The following NFKB1 variants were observed in gnomAD, a reference collection of about 807,000 sequenced individuals.
NFKB1 encodes the protein nuclear factor NF-kappa-B p105 subunit.
Under a neutral mutation model 105.1 loss-of-function variants are expected in NFKB1, and 9 were observed. That is an observed-to-expected ratio of 0.09 (90% CI 0.05 to 0.15). The LOEUF is 0.15. NFKB1 is among the 10% of genes least tolerant of loss of function. The pLI, the probability that NFKB1 is intolerant of heterozygous loss-of-function variation, is 1.00. For missense variants in NFKB1, 830 were observed against 1,203.7 expected, an observed-to-expected ratio of 0.69 and a Z score of 4.59; for synonymous variants, 440 against 442.2, an observed-to-expected ratio of 1.00 and a Z score of 0.06.
At chr4:102,581,911 T>G (rs1725346185) in intron 9 of NFKB1, among the ~76,000 whole-genome samples, 1 of 152,218 alleles carries the variant, frequency 6.6e-6, no homozygotes, top group Non-Finnish European at 1.5e-5. Flanking sequence ...CAAAGGAGAT[T>G]GTAAGATGTT....
At chr4:102,611,531 A>G (rs1354807627) in intron 20 of NFKB1, among the ~76,000 whole-genome samples, 1 of 152,244 alleles carries the variant, frequency 6.6e-6, no homozygotes, top group African/African-American at 2.4e-5. Context: ...CTTTTAGCCT[A>G]AGACAATTCT....
At chr4:102,609,630 A>G (rs1292263394) in intron 19 of NFKB1, among the ~76,000 whole-genome samples, 2 of 151,476 alleles carry the variant, frequency 1.3e-5, no homozygotes, top group African/African-American at 4.9e-5. Flanking sequence ...AAAAAAAAAA[A>G]AAAAGCGTCA....
At chr4:102,610,850 T>C in intron 20 of NFKB1, 151 bp downstream of exon 20, 1 of 1,012,674 alleles carries the variant, frequency 9.9e-7, no homozygotes, top group Non-Finnish European at 1.4e-6. Flanking sequence ...ATTTTTATCT[T>C]GAAAAACCCT....
intron 9 of NFKB1, among the ~76,000 whole-genome samples, chr4:102,581,091 A>G (rs1472120360): frequency 6.6e-6 from 1 of 152,232 alleles, no homozygotes; most frequent in Non-Finnish European, 1.5e-5. Flanking sequence ...CACAGATGTG[A>G]TGTTTAAGAA....
intron 11 of NFKB1, among the ~76,000 whole-genome samples, chr4:102,589,605 G>C (rs1291941877): frequency 6.6e-6 from 1 of 152,014 alleles, no homozygotes; most frequent in Non-Finnish European, 1.5e-5. Flanking sequence ...TCAGTAAACA[G>C]AGACCTTCTA....
intron 8 of NFKB1, among the ~76,000 whole-genome samples, chr4:102,579,332 A>C (rs1254118302): frequency 6.6e-6 from 1 of 152,204 alleles, no homozygotes; most frequent in East Asian, 1.9e-4. Flanking sequence ...TGCTATAAAG[A>C]TATATGGTTG....
At chr4:102,598,882 A>G (rs1726879352) in intron 15 of NFKB1, among the ~76,000 whole-genome samples, 1 of 152,198 alleles carries the variant, frequency 6.6e-6, no homozygotes, top group African/African-American at 2.4e-5. Context: ...AGACCCAAGC[A>G]CACTCACACA....
intron 12 of NFKB1, among the ~76,000 whole-genome samples, chr4:102,593,777 G>GA (rs931213521): frequency 3.3e-5 from 5 of 151,574 alleles, no homozygotes; most frequent in African/African-American, 9.7e-5. Context: ...TCATTAAGAA[G>GA]AAAAAAAAGT....
intron 1 of NFKB1, among the ~76,000 whole-genome samples, chr4:102,515,658 A>C (rs1740127771): frequency 2.0e-5 from 3 of 152,178 alleles, no homozygotes; most frequent in Admixed American, 2.0e-4. Flanking sequence ...TAATGTGAGA[A>C]CTTGACAATG....
At chr4:102,574,399 T>G (rs530128372) in intron 6 of NFKB1, among the ~76,000 whole-genome samples, 2 of 152,304 alleles carry the variant, frequency 1.3e-5, no homozygotes, top group East Asian at 3.9e-4. Context: ...TCCACCTCTG[T>G]GGTGGTTCTT....
At chr4:102,595,010 G>A (rs1471645130) in intron 13 of NFKB1, 29 bp downstream of exon 13, 4 of 1,456,278 alleles carry the variant, frequency 2.7e-6, no homozygotes, top group East Asian at 2.3e-5. Flanking sequence ...TTAATACCAA[G>A]AAAGGAAAAA....
At chr4:102,595,297 C>T (rs985888635) in intron 13 of NFKB1, among the ~76,000 whole-genome samples, 9 of 152,132 alleles carry the variant, frequency 5.9e-5, no homozygotes, top group African/African-American at 1.9e-4. Flanking sequence ...TATTCTGTCT[C>T]TTTTTTTCTC....
chr4:102,586,309 G>T (rs955292773), intron 11 of NFKB1, among the ~76,000 whole-genome samples: 1 of 152,178 alleles, frequency 6.6e-6, no homozygotes, highest in Non-Finnish European at 1.5e-5. Context: ...GGAAGCTTGT[G>T]ATGTGGTTGA....
At chr4:102,600,234 G>A (rs1727023326) in intron 15 of NFKB1, among the ~76,000 whole-genome samples, 1 of 152,210 alleles carries the variant, frequency 6.6e-6, no homozygotes, top group Non-Finnish European at 1.5e-5. Flanking sequence ...TCAGGCAGAA[G>A]AAAGGAGCAA....
At chr4:102,589,658 A>G (rs1006000322) in intron 11 of NFKB1, among the ~76,000 whole-genome samples, 1 of 152,222 alleles carries the variant, frequency 6.6e-6, no homozygotes, top group African/African-American at 2.4e-5. Flanking sequence ...ATTAGAAATA[A>G]TCGAAGTTCT....
intron 1 of NFKB1, chr4:102,510,991 A>T (rs1033869121): frequency 1.7e-5 from 22 of 1,275,112 alleles, no homozygotes; most frequent in Non-Finnish European, 2.2e-5. Flanking sequence ...TCAGCCTTTA[A>T]AAAGCAGGAT....
intron 5 of NFKB1, among the ~76,000 whole-genome samples, chr4:102,551,367 T>TGTGTGTGTGTGTGTGCGCGCGC (rs370790173): frequency 6.9e-4 from 103 of 150,196 alleles, no homozygotes; most frequent in South Asian, 1.9e-3. Flanking sequence ...TGTGTGTGTG[T>TGTGTGTGTGTGTGTGCGCGCGC]GCGCGCGCGC....
At chr4:102,545,779 A>G (rs1000618940) in intron 5 of NFKB1, among the ~76,000 whole-genome samples, 16 of 152,168 alleles carry the variant, frequency 1.1e-4, no homozygotes, top group African/African-American at 3.9e-4. Context: ...CTTGGATTCT[A>G]CAATAATTCT....
At chr4:102,602,125 T>A (rs1727209847) in intron 16 of NFKB1, among the ~76,000 whole-genome samples, 1 of 152,172 alleles carries the variant, frequency 6.6e-6, no homozygotes, top group Non-Finnish European at 1.5e-5. Flanking sequence ...CATTTCTATT[T>A]CCTCACTTTA....
Sources: allele counts gnomAD v4.1 joint callset (sites outside exome capture counted in the v4.1 genomes callset), GRCh38; gene constraint gnomAD v4.1.1; transcripts MANE v1.5; gene names NCBI Gene and HGNC (gene_info 2026-07-23, HGNC 2026-07-21).